Variants in RUVBL1 observed in about 807,000 individuals in gnomAD.
RUVBL1 encodes ruvB-like 1.
Under a neutral mutation model 52.4 loss-of-function variants are expected in RUVBL1, and 4 were observed. That is an observed-to-expected ratio of 0.08 (90% CI 0.04 to 0.17). The LOEUF (loss-of-function observed/expected upper bound fraction) is 0.17. Among genes scored for constraint, RUVBL1 ranks in the 10% least tolerant of loss-of-function variants. RUVBL1 has a pLI of 1.00. For missense variants in RUVBL1, 298 were observed against 572.8 expected, an observed-to-expected ratio of 0.52 and a Z score of 4.90; for synonymous variants, 217 against 214.4, an observed-to-expected ratio of 1.01 and a Z score of -0.10.
chr3:128,128,048 ATAC>A (rs1421364290), upstream of RUVBL1, among the ~76,000 whole-genome samples: 3 of 151,828 alleles, frequency 2.0e-5, no homozygotes, highest in Non-Finnish European at 4.4e-5. Flanking sequence ...ACATACATAC[ATAC>A]ATAAATACAT....
At chr3:128,130,623 A>T (rs1008369414) in intron 1 of RUVBL1, among the ~76,000 whole-genome samples, 3 of 31,600 alleles carry the variant, frequency 9.5e-5, no homozygotes, top group South Asian at 2.0e-3. Context: ...AATTTTATTT[A>T]TTTATGTATT....
At position 128,082,677 on chromosome 3, in the gene RUVBL1, T is replaced by C; in HGVS notation, c.1120-103A>G. On this transcript the variant is annotated intron_variant, in intron 9 of 10. Transcript: ENST00000322623. The surrounding 1 kb of genome is among the most constrained non-coding windows in gnomAD (Gnocchi z 4.7). ...TGCTCAGATTTCTCACTGTGCAGCA[T>C]AAGAGAAACTGAGACCTGGGTTGGT... 1 of 939,746 alleles carries C rather than the reference T, an allele frequency of 1.1e-6. No individual in the cohort carries two copies. Among genetic ancestry groups the C allele is most frequent in the Non-Finnish European group, 1.6e-6 (1 of 631,132 alleles). 58.2% of individuals were successfully genotyped at this position (939,746 alleles called of 1,614,324 possible). A position where few individuals can be genotyped will look rare whatever the true frequency, so the allele number is the denominator to read the frequency against.
At position 128,104,626 on chromosome 3, in the gene RUVBL1, A is replaced by G. The variant is rs939293521; in HGVS notation, c.513+147T>C. The G allele has an allele frequency of 2.1e-5, 13 of 630,666 alleles. No homozygotes were observed. In the South Asian group the frequency reaches 4.4e-4, roughly 21 times the overall value. 39.1% of individuals were successfully genotyped at this position (630,666 alleles called of 1,614,324 possible). The stretch of plus-strand genomic sequence containing the variant: ...CCCTATGCTAGGTACCGCTTTATAC[A>G]CACAATATCCTCAACCAATTCTGTG... On this transcript the variant is annotated intron_variant, in intron 4 of 10. Coordinates refer to ENST00000322623, the MANE Select transcript of RUVBL1 (RefSeq NM_003707.3).
At chr3:128,117,825 A>G (rs1249657981) in intron 2 of RUVBL1, among the ~76,000 whole-genome samples, 1 of 152,178 alleles carries the variant, frequency 6.6e-6, no homozygotes, top group Non-Finnish European at 1.5e-5. Flanking sequence ...CCACTCTGAC[A>G]TATAATAGTG....
Position 128,067,399 on chromosome 3 carries a change from C to G in RUVBL1, c.940-2179G>C, listed in dbSNP as rs558238571. 6.3e-7 allele frequency: 1 copy of G among 1,599,956 alleles called. No individual in the cohort carries two copies. The highest frequency in any genetic ancestry group is 1.7e-5 in the Admixed American group (1 of 57,166). ...AGTAAAATGAAGGAGCACTCACATG[C>G]GTTTGGTTTCTTCTTCCCCAGGACA... On this transcript the variant is annotated intron_variant, in intron 9 of 9. Transcript: ENST00000464873. This position sits in a 1 kb window ranked among gnomAD's most constrained non-coding sequence, Gnocchi z 4.1.
chr3:128,070,402 G>A (rs899187103), intron 9 of RUVBL1: 1 of 152,248 alleles, frequency 6.6e-6, no homozygotes, highest in Non-Finnish European at 1.5e-5. Flanking sequence ...CTGCCAAGCT[G>A]AGCCTGGCCA....
At chr3:128,075,645 C>G (rs917871201) in intron 9 of RUVBL1, among the ~76,000 whole-genome samples, 1 of 151,682 alleles carries the variant, frequency 6.6e-6, no homozygotes, top group Non-Finnish European at 1.5e-5. Context: ...GACTTGGAAT[C>G]TCGGATCCCT....
Position 128,090,268 on chromosome 3 carries a change from A to G in RUVBL1, c.1017-2460T>C, listed in dbSNP as rs145224559. Among the ~76,000 whole-genome samples the G allele has an allele frequency of 6.9e-3, 1,053 of 152,380 alleles. 35 individuals carry two copies. The highest frequency in any genetic ancestry group is 0.056 in the Admixed American group (860 of 15,306). ...TAAAATCAGCCGGGCGCAGTGGCTC[A>G]CGCCTGTAATCCCAGCACTTTGGGA... On this transcript the variant is annotated intron_variant, in intron 8 of 10. Coordinates refer to ENST00000322623, the MANE Select transcript of RUVBL1 (RefSeq NM_003707.3).
chr3:128,098,550 G>T (rs1324906164), intron 7 of RUVBL1, among the ~76,000 whole-genome samples: 2 of 152,170 alleles, frequency 1.3e-5, no homozygotes, highest in African/African-American at 4.8e-5. Context: ...GGTCTGTGGA[G>T]CTGCCCTGTG....
At chr3:128,129,956 T>C (rs115691913) in intron 1 of RUVBL1, among the ~76,000 whole-genome samples, 2,106 of 152,242 alleles carry the variant, frequency 0.014, 25 homozygotes, top group Middle Eastern at 0.027. Context: ...TGCACAACAA[T>C]GTGAATGTAC....
At chr3:128,092,603 G>A (rs1053093564) in intron 8 of RUVBL1, among the ~76,000 whole-genome samples, 2 of 152,004 alleles carry the variant, frequency 1.3e-5, no homozygotes, top group Non-Finnish European at 2.9e-5. Flanking sequence ...ATGAAAAGAC[G>A]CTCAACATCC....
At chr3:128,108,658 C>T (rs909686715) in intron 3 of RUVBL1, among the ~76,000 whole-genome samples, 2 of 151,224 alleles carry the variant, frequency 1.3e-5, no homozygotes, top group Non-Finnish European at 2.9e-5. Context: ...GATCATGCCA[C>T]GTACTCCAGC....
At chr3:128,127,275 G>A (rs528265827), upstream of RUVBL1, among the ~76,000 whole-genome samples, 2 of 152,322 alleles carry the variant, frequency 1.3e-5, no homozygotes, top group African/African-American at 2.4e-5. Context: ...ATTTCTATCT[G>A]TGGGTACTGA....
In RUVBL1 at chr3:128,067,192, G is replaced by C; in HGVS notation, c.940-1972C>G. On this transcript the variant is annotated intron_variant, in intron 9 of 9. Transcript: ENST00000464873. The surrounding 1 kb of genome is among the most constrained non-coding windows in gnomAD (Gnocchi z 4.1). ...GAAGATGAGCTAGCAATGCAGCTAA[G>C]TTGCAGTGGTTTCTATCAGTGTCTT... 1 of 1,558,512 alleles carries C rather than the reference G, an allele frequency of 6.4e-7. No individual in the cohort carries two copies. The highest frequency in any genetic ancestry group is 8.9e-7 in the Non-Finnish European group (1 of 1,129,514).
chr3:128,106,358 C>T (rs1431692065), intron 3 of RUVBL1, among the ~76,000 whole-genome samples: 1 of 152,182 alleles, frequency 6.6e-6, no homozygotes, highest in Non-Finnish European at 1.5e-5. Context: ...AGAACGTGAT[C>T]TCTATGTTCA....
intron 3 of RUVBL1, among the ~76,000 whole-genome samples, chr3:128,106,612 C>T (rs754466711): frequency 2.6e-5 from 4 of 152,184 alleles, no homozygotes; most frequent in Non-Finnish European, 5.9e-5. Flanking sequence ...GCTGAGGGCA[C>T]AGCACATAGG....
At chr3:128,141,704 C>G (rs575843474) in intron 1 of RUVBL1, among the ~76,000 whole-genome samples, 1 of 152,278 alleles carries the variant, frequency 6.6e-6, no homozygotes, top group African/African-American at 2.4e-5. Context: ...CCATATTGGT[C>G]AGGCTGGTCT....
At chr3:128,102,669 A>G (rs1210307846) in intron 4 of RUVBL1, among the ~76,000 whole-genome samples, 1 of 152,264 alleles carries the variant, frequency 6.6e-6, no homozygotes, top group Non-Finnish European at 1.5e-5. Context: ...GTAGTTGCCG[A>G]GGGCTATAGT....
In RUVBL1 at chr3:128,146,658, C is replaced by T. The variant is rs547687438; in HGVS notation, c.-40+6545G>A. 8.3e-5 allele frequency among the ~76,000 whole-genome samples: 12 copies of T among 144,732 alleles called. 1 individual carries two copies. The South Asian group carries it at 1.3e-3, about 16-fold the overall frequency. The allele number at this position is 144,732 out of a possible 152,430, so 94.9% of individuals were successfully genotyped here. A position where few individuals can be genotyped will look rare whatever the true frequency, so the allele number is the denominator to read the frequency against. On this transcript the variant is annotated intron_variant, in intron 1 of 9. Transcript: ENST00000464873. The stretch of plus-strand genomic sequence containing the variant: ...TGCATGTATGCGTGTGTGTCTCATG[C>T]GTGTGCACATGTTTGCGTGTGCATC...
Sources: allele counts gnomAD v4.1 joint callset (sites outside exome capture counted in the v4.1 genomes callset), GRCh38; gene constraint gnomAD v4.1.1; non-coding constraint Gnocchi (gnomAD v3.1); transcripts MANE v1.5; gene names NCBI Gene and HGNC (gene_info 2026-07-23, HGNC 2026-07-21).